The following KLHL25 variants were observed in gnomAD, a reference collection of about 807,000 sequenced individuals.
KLHL25 encodes the protein kelch-like protein 25.
In KLHL25, 41 loss-of-function variants were observed where a neutral mutation model predicts 30.0. The ratio of observed to expected loss-of-function variants is 1.37; its 90% CI spans 1.07 to 1.78. The LOEUF (loss-of-function observed/expected upper bound fraction) is 1.78, where lower values mean the gene tolerates loss of function less well. Ranked by LOEUF, KLHL25 falls within the 40% of genes most tolerant of loss-of-function variation. The pLI, the probability that KLHL25 is intolerant of heterozygous loss-of-function variation, is 0.00. For missense variants in KLHL25, 971 were observed against 824.5 expected, an observed-to-expected ratio of 1.18 and a Z score of -2.18; for synonymous variants, 399 against 355.3, an observed-to-expected ratio of 1.12 and a Z score of -1.38.
chr15:85,760,920 C>A lies in KLHL25; in HGVS notation c.*116G>T, dbSNP rs1463393794. On this transcript the variant is annotated 3_prime_UTR_variant, in exon 3 of 3. Coordinates refer to ENST00000337975, the MANE Select transcript of KLHL25 (RefSeq NM_022480.4). ...TGCTGCTCCCCAGAGCTGGCAGGGC[C>A]CCTTCCACCTCTCGGAGTGCTGGCC... 1.3e-5 allele frequency: 2 copies of A among 152,356 alleles called. No homozygotes were observed. The highest frequency in any genetic ancestry group is 2.9e-5 in the Non-Finnish European group (2 of 68,140). 9.4% of individuals were successfully genotyped at this position (152,356 alleles called of 1,614,324 possible).
chr15:85,768,249 A>G lies in KLHL25; in HGVS notation c.1562T>C (p.Ile521Thr), dbSNP rs779880249. ...FDCETNQWTR[I>T]GDMTAKRMSC... The stretch of plus-strand genomic sequence containing the variant: ...CATGCGCTTGGCAGTCATGTCCCCA[A>G]TCCGCGTCCACTGGTTGGTCTCACA... The change falls in exon 2 of 3, where the codon ATT (isoleucine) becomes ACT (threonine). Residue 521 changes from isoleucine to threonine, a missense_variant. Coordinates refer to ENST00000337975, the MANE Select transcript of KLHL25 (RefSeq NM_022480.4). 2.5e-6 allele frequency: 4 copies of G among 1,613,994 alleles called. No homozygotes were observed. Among genetic ancestry groups the G allele is most frequent in the East Asian group, 2.2e-5 (1 of 44,892 alleles).
intron 1 of KLHL25, among the ~76,000 whole-genome samples, chr15:85,772,243 T>G (rs900239958): frequency 1.3e-5 from 2 of 152,182 alleles, no homozygotes; most frequent in Non-Finnish European, 2.9e-5. Context: ...GCCCTGGGAC[T>G]CCTAAGCCCA....
intron 1 of KLHL25, among the ~76,000 whole-genome samples, chr15:85,783,513 G>A (rs1039758670): frequency 6.6e-6 from 1 of 151,870 alleles, no homozygotes; most frequent in African/African-American, 2.4e-5. Flanking sequence ...TCAACATGGT[G>A]AAACCCCCTC....
rs141673016 is a variant in KLHL25, at chr15:85,773,989, G to T, written c.-10-4169C>A. Among the ~76,000 whole-genome samples the T allele has an allele frequency of 5.8e-3, 877 of 152,294 alleles. 2 individuals carry two copies. The highest frequency in any genetic ancestry group is 0.027 in the Middle Eastern group (8 of 294). Reference sequence around the variant, plus strand: ...CCATCTAGCAACCAGAAGAATGGTTGTGTGTGATTATTTTCAGTTGCTCAA... The same window carrying T: ...CCATCTAGCAACCAGAAGAATGGTTTTGTGTGATTATTTTCAGTTGCTCAA... On this transcript the variant is annotated intron_variant, in intron 1 of 2. Coordinates refer to ENST00000337975, the MANE Select transcript of KLHL25 (RefSeq NM_022480.4).
rs1293977770 is a variant in KLHL25 at position 85,768,542 on chromosome 15, C to G, written c.1269G>C (p.Lys423Asn). ...QVEKYDPGAN[K>N]WMMVAPLRDG... is the part of the protein sequence containing the mutation. ...CCCGCAAGGGGGCCACCATCATCCA[C>G]TTGTTGGCCCCAGGGTCGTATTTCT... The change falls in exon 2 of 3, where the codon AAG becomes AAC. Residue 423 changes from lysine to asparagine, a missense_variant. Physicochemically the swap from Lys to Asn is moderately conservative, Grantham distance 94. Coordinates refer to ENST00000337975, the MANE Select transcript of KLHL25 (RefSeq NM_022480.4). The G allele has an allele frequency of 1.2e-6, 2 of 1,613,618 alleles. No homozygotes were observed. The highest frequency in any genetic ancestry group is 3.3e-5 in the Admixed American group (2 of 60,026).
rs1268548228 is a variant in KLHL25, at chr15:85,759,885, G to A, written c.*1151C>T. The A allele has an allele frequency of 2.0e-5, 3 of 152,242 alleles. No homozygotes were observed. The highest frequency in any genetic ancestry group is 4.1e-4 in the South Asian group (2 of 4,832). The allele number at this position is 152,242 out of a possible 1,614,324, so 9.4% of individuals were successfully genotyped here. ...CTTGGGAGTGAGCGAGAGGCATTAG[G>A]ATGGTCACTGACAGGCGCCAACCTC... is the stretch of plus-strand genomic sequence containing the variant. On this transcript the variant is annotated 3_prime_UTR_variant, in exon 3 of 3. Coordinates refer to ENST00000337975, the MANE Select transcript of KLHL25 (RefSeq NM_022480.4).
In KLHL25 at chr15:85,785,099, T is replaced by C. The variant is rs74849449; in HGVS notation, c.-11+9667A>G. Among the ~76,000 whole-genome samples the C allele has an allele frequency of 4.6e-5, 7 of 151,026 alleles. No individual in the cohort carries two copies. The East Asian group carries it at 9.7e-4, about 21-fold the overall frequency. On this transcript the variant is annotated intron_variant, in intron 1 of 2. Transcript: ENST00000337975. Reference sequence around the variant, plus strand: ...GACTGATGTATTTCTTTTTTCTTTTTTTTTTTTTTTCTGAGACAGTGTCTC... The same window carrying C: ...GACTGATGTATTTCTTTTTTCTTTTCTTTTTTTTTTCTGAGACAGTGTCTC...
At chr15:85,777,581 A>C (rs148165133) in intron 1 of KLHL25, among the ~76,000 whole-genome samples, 5 of 152,298 alleles carry the variant, frequency 3.3e-5, no homozygotes, top group African/African-American at 1.2e-4. Flanking sequence ...ACGCACCCAA[A>C]CATTAAGCAC....
chr15:85,767,983 G>A (rs2089635488), intron 2 of KLHL25, 34 bp downstream of exon 2: 1 of 1,416,908 alleles, frequency 7.1e-7, no homozygotes, highest in Middle Eastern at 2.2e-4. Context: ...GACCTTTCCG[G>A]ACCCAGAGTG....
chr15:85,785,435 G>C (rs1245051522), intron 1 of KLHL25, among the ~76,000 whole-genome samples: 1 of 152,192 alleles, frequency 6.6e-6, no homozygotes. Context: ...AGAGTGGGTA[G>C]TATAGAGCAG....
chr15:85,789,778 C>T lies in KLHL25; in HGVS notation c.-11+4988G>A, dbSNP rs1005653895. ...CACACACCACCTTCCCTTGAGCCCA[C>T]GCCTGCTCCCCTAAGCCCAGCCTGG... On this transcript the variant is annotated intron_variant, in intron 1 of 2. Transcript: ENST00000337975. The surrounding 1 kb of genome is among the most constrained non-coding windows in gnomAD (Gnocchi z 4.1). Among the ~76,000 whole-genome samples, 5 of 152,160 alleles carry T rather than the reference C, an allele frequency of 3.3e-5. No individual in the cohort carries two copies. The highest frequency in any genetic ancestry group is 4.8e-5 in the African/African-American group (2 of 41,432).
In KLHL25 at chr15:85,768,755, G is replaced by T; in HGVS notation, c.1056C>A (p.Asn352Lys). ...VYVTGGRGSENGVSKDVWVYD... is the reference protein window; with the variant it reads ...VYVTGGRGSEKGVSKDVWVYD... Reference sequence around the variant, plus strand: ...ACACCCAGACATCCTTGGAGACCCCGTTCTCGGAGCCCCTGCCCCCCGTCA... The same window carrying T: ...ACACCCAGACATCCTTGGAGACCCCTTTCTCGGAGCCCCTGCCCCCCGTCA... Residue 352 changes from asparagine to lysine, a missense_variant, in exon 2 of 3, where the codon AAC (asparagine) becomes AAA (lysine). Transcript: ENST00000337975. The T allele has an allele frequency of 6.2e-7, 1 of 1,613,026 alleles. No homozygotes were observed. The highest frequency in any genetic ancestry group is 8.5e-7 in the Non-Finnish European group (1 of 1,179,874).
In KLHL25 at chr15:85,768,944, C is replaced by A; in HGVS notation, c.867G>T (p.Arg289=). ...GTAGCGTGTGGCCCGCCTTGCGTGG[C>A]CGGGCACAGGGGCTGGTGACCACGC... The part of the protein sequence containing the change: ...NDGVVTSPCA[R]PRKAGHTLLI... The change falls in exon 2 of 3, where the codon CGG becomes CGT. Residue 289 remains arginine, a synonymous_variant. Coordinates refer to ENST00000337975, the MANE Select transcript of KLHL25 (RefSeq NM_022480.4). 1 of 1,613,320 alleles carries A rather than the reference C, an allele frequency of 6.2e-7. No individual in the cohort carries two copies. Among genetic ancestry groups the A allele is most frequent in the Non-Finnish European group, 8.5e-7 (1 of 1,180,050 alleles).
intron 1 of KLHL25, among the ~76,000 whole-genome samples, chr15:85,782,946 T>C (rs775839445): frequency 3.3e-5 from 5 of 152,230 alleles, no homozygotes; most frequent in South Asian, 2.1e-4. Context: ...TAATAAATAC[T>C]GCTGAATGAA....
intron 1 of KLHL25, among the ~76,000 whole-genome samples, chr15:85,773,596 C>A (rs72751885): frequency 0.11 from 17,156 of 152,178 alleles, 1,030 homozygotes; most frequent in Middle Eastern, 0.19. Context: ...TGGACACGTG[C>A]CAGGCCTGGC....
Position 85,769,799 on chromosome 15 carries a change from A to G in KLHL25, c.12T>C (p.Ser4=), listed in dbSNP as rs368499144. ...TCCGCGACTTGCGGGTCTCATGGAC[A>G]CTGACCGACATGGTGCGTCAGCTTG... MSV[S]VHETRKSRSS... The change falls in exon 2 of 3, where the codon AGT becomes AGC. Residue 4 remains serine, a synonymous_variant. Coordinates refer to ENST00000337975, the MANE Select transcript of KLHL25 (RefSeq NM_022480.4). 5.0e-6 allele frequency: 8 copies of G among 1,607,800 alleles called. No individual in the cohort carries two copies. Among genetic ancestry groups the G allele is most frequent in the South Asian group, 3.3e-5 (3 of 91,042 alleles).
At chr15:85,783,146 C>G (rs371936276) in intron 1 of KLHL25, among the ~76,000 whole-genome samples, 1 of 152,202 alleles carries the variant, frequency 6.6e-6, no homozygotes. Flanking sequence ...ATCGCCCAAG[C>G]TGGAGTGCAG....
At chr15:85,777,422 T>C (rs1451800027) in intron 1 of KLHL25, among the ~76,000 whole-genome samples, 3 of 152,176 alleles carry the variant, frequency 2.0e-5, no homozygotes, top group Middle Eastern at 6.8e-3. Context: ...CAGTGTCCCT[T>C]GTGGACAATG....
rs1173562273 is a variant in KLHL25, at chr15:85,794,914, A to G, written c.-159T>C. ...GCGATACAGCCTAGGCGCCGCCAAC[A>G]AACTAGTTTCTCCGGCCTTCCCGCC... On this transcript the variant is annotated 5_prime_UTR_variant, in exon 1 of 3. Coordinates refer to ENST00000337975, the MANE Select transcript of KLHL25 (RefSeq NM_022480.4). 6.6e-6 allele frequency: 1 copy of G among 152,358 alleles called. No individual in the cohort carries two copies. The highest frequency in any genetic ancestry group is 2.4e-5 in the African/African-American group (1 of 41,456). The allele number at this position is 152,358 out of a possible 1,614,324, so 9.4% of individuals were successfully genotyped here. A position where few individuals can be genotyped will look rare whatever the true frequency, so the allele number is the denominator to read the frequency against.
Sources: gnomAD v4.1 joint callset for allele counts (sites outside exome capture counted in the v4.1 genomes callset) on GRCh38, gnomAD v4.1.1 for gene constraint, Gnocchi (gnomAD v3.1) non-coding constraint, MANE v1.5 for transcripts, NCBI Gene and HGNC (gene_info 2026-07-23, HGNC 2026-07-21) for gene names.